FRMD4A: variants seen among roughly 807,000 people sequenced by gnomAD.
FRMD4A encodes the protein FERM domain-containing protein 4A.
FRMD4A carries 29 observed loss-of-function variants against 129.1 expected under a neutral mutation model. The ratio of observed to expected loss-of-function variants is 0.22; its 90% CI spans 0.17 to 0.31. The LOEUF is 0.31. Among genes scored for constraint, FRMD4A ranks in the 10% least tolerant of loss-of-function variants. The pLI is 1.00. For missense variants in FRMD4A, 1,272 were observed against 1,375.8 expected (o/e 0.92, Z 1.19); for synonymous variants, 634 against 571.6 (o/e 1.11, Z -1.56).
At chr10:13,678,743 G>T (rs938766160) in intron 15 of FRMD4A, among the ~76,000 whole-genome samples, 10 of 152,220 alleles carry the variant, frequency 6.6e-5, no homozygotes, top group Admixed American at 5.9e-4. Context: ...CTCACCTTTA[G>T]AAAGGAACAA....
intron 17 of FRMD4A, among the ~76,000 whole-genome samples, chr10:13,668,954 G>A (rs1453571617): frequency 2.0e-5 from 3 of 151,860 alleles, no homozygotes; most frequent in Non-Finnish European, 4.4e-5. Context: ...AGTACTGAGT[G>A]ACGTGTTTTA....
chr10:13,998,823 T>G (rs1257594779), intron 2 of FRMD4A, among the ~76,000 whole-genome samples: 1 of 152,198 alleles, frequency 6.6e-6, no homozygotes, highest in Non-Finnish European at 1.5e-5. Context: ...AGTAACCTCA[T>G]GCAACACCCT....
chr10:14,001,519 G>C (rs2095642823), intron 2 of FRMD4A, among the ~76,000 whole-genome samples: 1 of 152,196 alleles, frequency 6.6e-6, no homozygotes, highest in South Asian at 2.1e-4. Context: ...CATAGAGACA[G>C]CCTTTCCTTC....
intron 12 of FRMD4A, among the ~76,000 whole-genome samples, chr10:13,720,471 T>C (rs2089308499): frequency 6.6e-6 from 1 of 152,184 alleles, no homozygotes; most frequent in Admixed American, 6.5e-5. Flanking sequence ...CTTTTATCCA[T>C]TCAACAACCA....
At chr10:13,687,068 C>T (rs1184530356) in intron 15 of FRMD4A, among the ~76,000 whole-genome samples, 2 of 152,102 alleles carry the variant, frequency 1.3e-5, no homozygotes, top group Non-Finnish European at 2.9e-5. Flanking sequence ...AGGCAGGCAG[C>T]TCACTTGAGC....
rs182244488 is a variant in FRMD4A, at chr10:14,223,853, G to A, written c.45+106205C>T. 3.2e-3 allele frequency among the ~76,000 whole-genome samples: 491 copies of A among 151,668 alleles called. 2 individuals carry two copies. Among genetic ancestry groups the A allele is most frequent in the Middle Eastern group, 7.0e-3 (2 of 286 alleles). ...TCTAGCAACCCCACATCTCCCTGTC[G>A]TTGGACTCCCCTCTGCAACCCATGG... On this transcript the variant is annotated intron_variant, in intron 2 of 24. Transcript: ENST00000357447.
At chr10:13,983,654 C>T (rs560278112) in intron 2 of FRMD4A, among the ~76,000 whole-genome samples, 2 of 152,122 alleles carry the variant, frequency 1.3e-5, no homozygotes, top group African/African-American at 2.4e-5. Context: ...AATTCAGAGA[C>T]CAGGAGATAC....
chr10:13,720,321 T>G (rs1459961808), intron 12 of FRMD4A, among the ~76,000 whole-genome samples: 1 of 152,194 alleles, frequency 6.6e-6, no homozygotes, highest in Non-Finnish European at 1.5e-5. Flanking sequence ...AGTGTTGGGA[T>G]TACAGGCATG....
At chr10:14,159,682 AC>A (rs1176824526) in intron 2 of FRMD4A, among the ~76,000 whole-genome samples, 5 of 152,204 alleles carry the variant, frequency 3.3e-5, no homozygotes, top group African/African-American at 1.2e-4. Flanking sequence ...AGCAATGCTG[AC>A]AAAAAACAAA....
chr10:13,972,637 G>A (rs574987801), intron 2 of FRMD4A, among the ~76,000 whole-genome samples: 1 of 152,068 alleles, frequency 6.6e-6, no homozygotes, highest in Admixed American at 6.6e-5. Flanking sequence ...CTCAAGGAAA[G>A]TCCTTCAATT....
At chr10:13,905,980 C>G (rs1565011713) in intron 2 of FRMD4A, among the ~76,000 whole-genome samples, 1 of 152,214 alleles carries the variant, frequency 6.6e-6, no homozygotes, top group Admixed American at 6.5e-5. Context: ...CCCTTGAAAT[C>G]AGAATCATGG....
At chr10:14,227,495 A>G (rs1276476840) in intron 2 of FRMD4A, among the ~76,000 whole-genome samples, 1 of 151,068 alleles carries the variant, frequency 6.6e-6, no homozygotes, top group East Asian at 1.9e-4. Context: ...CAAGTGATCC[A>G]CCCACCTCGG....
chr10:14,164,385 A>G (rs1250131140), intron 2 of FRMD4A, among the ~76,000 whole-genome samples: 1 of 152,156 alleles, frequency 6.6e-6, no homozygotes, highest in Non-Finnish European at 1.5e-5. Context: ...GTAGCTGGCA[A>G]TGAGCCCCAG....
intron 2 of FRMD4A, among the ~76,000 whole-genome samples, chr10:14,053,354 C>T (rs925233818): frequency 1.3e-5 from 2 of 152,154 alleles, no homozygotes; most frequent in Non-Finnish European, 2.9e-5. Flanking sequence ...ACAAACACCT[C>T]TCACAACATG....
At position 13,888,661 on chromosome 10, in the gene FRMD4A, T is replaced by C. The variant is rs149447327; in HGVS notation, c.46-29749A>G. Among the ~76,000 whole-genome samples the C allele has an allele frequency of 3.3e-3, 507 of 152,332 alleles. 1 individual carries two copies. The highest frequency in any genetic ancestry group is 5.4e-3 in the Non-Finnish European group (366 of 68,032). ...AATTGCTTCTAAGATGCTGAGATTT[T>C]GCACAACAAATAAACCAAAAAAGAG... On this transcript the variant is annotated intron_variant, in intron 2 of 24. Transcript: ENST00000357447.
intron 2 of FRMD4A, among the ~76,000 whole-genome samples, chr10:14,051,854 C>T (rs1341000260): frequency 6.6e-6 from 1 of 152,218 alleles, no homozygotes; most frequent in African/African-American, 2.4e-5. Context: ...GAGAGATCCA[C>T]GGCATTGCAT....
chr10:13,688,770 GTGGT>G (rs2085356515), intron 15 of FRMD4A, among the ~76,000 whole-genome samples: 3 of 152,102 alleles, frequency 2.0e-5, no homozygotes, highest in Non-Finnish European at 2.9e-5. Context: ...CTGGAATGCA[GTGGT>G]GTAATTTCAG....
chr10:14,137,956 C>T (rs183936435), intron 2 of FRMD4A, among the ~76,000 whole-genome samples: 4 of 152,294 alleles, frequency 2.6e-5, no homozygotes, highest in East Asian at 3.9e-4. Flanking sequence ...AACAGAGCTG[C>T]TCTGCAATCA....
chr10:13,915,657 G>C (rs1438894452), intron 2 of FRMD4A, among the ~76,000 whole-genome samples: 1 of 147,152 alleles, frequency 6.8e-6, no homozygotes, highest in African/African-American at 2.5e-5. Flanking sequence ...GGGCGACAGA[G>C]TGACTCTATC....
Sources: gnomAD v4.1 joint callset for allele counts (sites outside exome capture counted in the v4.1 genomes callset) on GRCh38, gnomAD v4.1.1 for gene constraint, MANE v1.5 for transcripts, NCBI Gene and HGNC (gene_info 2026-07-23, HGNC 2026-07-21) for gene names.